Variants in SC5D observed in about 807,000 individuals in gnomAD.
SC5D encodes lathosterol oxidase.
In SC5D, 21 loss-of-function variants were observed where a neutral mutation model predicts 23.9. The ratio of observed to expected loss-of-function variants is 0.88; its 90% CI spans 0.62 to 1.26. The LOEUF is 1.26. Among genes scored for constraint, SC5D ranks in the 50% most tolerant of loss-of-function variants. SC5D has a pLI of 0.00. For synonymous variants in SC5D, 113 were observed against 125.9 expected, an observed-to-expected ratio of 0.90 and a Z score of 0.68; for missense variants, 309 against 364.8, an observed-to-expected ratio of 0.85 and a Z score of 1.25.
chr11:121,309,647 G>A lies in SC5D; in HGVS notation c.*2135G>A, dbSNP rs1746801901. 6.6e-6 allele frequency among the ~76,000 whole-genome samples: 1 copy of A among 152,108 alleles called. No individual in the cohort carries two copies. Among genetic ancestry groups the A allele is most frequent in the Admixed American group, 6.5e-5 (1 of 15,278 alleles). ...GAGAAGAAAGGACAGCTTCCTATGG[G>A]GAAGACAGAGGCTTCCTCATAGATG... On this transcript the variant is annotated 3_prime_UTR_variant, in exon 5 of 5. Coordinates refer to ENST00000264027, the MANE Select transcript of SC5D (RefSeq NM_006918.5).
In SC5D at chr11:121,310,085, C is replaced by T. The variant is rs949593296; in HGVS notation, c.*2573C>T. Among the ~76,000 whole-genome samples the T allele has an allele frequency of 1.3e-5, 2 of 152,128 alleles. No individual in the cohort carries two copies. Among genetic ancestry groups the T allele is most frequent in the Non-Finnish European group, 1.5e-5 (1 of 68,028 alleles). ...GGGACAGATTTGGAAGAGAATTACA[C>T]AAGTTCAGTTTTTTGATACATGGAT... is the stretch of plus-strand genomic sequence containing the variant. On this transcript the variant is annotated 3_prime_UTR_variant, in exon 5 of 5. Transcript: ENST00000264027.
At chr11:121,294,821 C>T (rs1382476497) in intron 1 of SC5D, among the ~76,000 whole-genome samples, 1 of 152,206 alleles carries the variant, frequency 6.6e-6, no homozygotes, top group East Asian at 1.9e-4. Flanking sequence ...TGAAGTAGGG[C>T]CACATGGCAC....
At chr11:121,304,090 T>G in intron 2 of SC5D, 1 of 387,386 alleles carries the variant, frequency 2.6e-6, no homozygotes, top group Non-Finnish European at 4.8e-6. Flanking sequence ...AGGAAAGAAA[T>G]GGTTATTCCA....
chr11:121,306,306 A>G, intron 3 of SC5D, 80 bp from the exon 4 acceptor site: 1 of 741,218 alleles, frequency 1.3e-6, no homozygotes, highest in Non-Finnish European at 2.5e-6. Flanking sequence ...CCCATTTTGC[A>G]CTCAGATGGA....
chr11:121,298,299 C>T (rs909734159), intron 1 of SC5D, among the ~76,000 whole-genome samples: 4 of 152,166 alleles, frequency 2.6e-5, no homozygotes, highest in Non-Finnish European at 5.9e-5. Flanking sequence ...GACCAGAATA[C>T]AATCTTTTTC....
At position 121,308,502 on chromosome 11, in the gene SC5D, C is replaced by G. The variant is rs1476002684; in HGVS notation, c.*990C>G. On this transcript the variant is annotated 3_prime_UTR_variant, in exon 5 of 5. Coordinates refer to ENST00000264027, the MANE Select transcript of SC5D (RefSeq NM_006918.5). Reference sequence around the variant, plus strand: ...TTCTCCCCTCACTTTTCCCTACTTCCTCTGCAAAAAGATTTAACAAATACA... The same window carrying G: ...TTCTCCCCTCACTTTTCCCTACTTCGTCTGCAAAAAGATTTAACAAATACA... The G allele has an allele frequency of 6.6e-6, 1 of 152,310 alleles. No homozygotes were observed. Among genetic ancestry groups the G allele is most frequent in the African/African-American group, 2.4e-5 (1 of 41,342 alleles). The allele number at this position is 152,310 out of a possible 1,614,324, so 9.4% of individuals were successfully genotyped here.
chr11:121,293,294 C>G (rs1032112793), intron 1 of SC5D, among the ~76,000 whole-genome samples: 2 of 152,186 alleles, frequency 1.3e-5, no homozygotes, highest in Non-Finnish European at 2.9e-5. Flanking sequence ...ATCTCTTACT[C>G]AAGGGAATTC....
chr11:121,301,826 A>G (rs1331216181), intron 1 of SC5D, among the ~76,000 whole-genome samples: 1 of 152,136 alleles, frequency 6.6e-6, no homozygotes, highest in African/African-American at 2.4e-5. Flanking sequence ...GGATGGAAAG[A>G]TCTCCAAGAT....
rs1456349663 is a variant in SC5D at position 121,310,255 on chromosome 11, A to C, written c.*2743A>C. Among the ~76,000 whole-genome samples the C allele has an allele frequency of 6.6e-6, 1 of 152,230 alleles. No individual in the cohort carries two copies. The highest frequency in any genetic ancestry group is 2.4e-5 in the African/African-American group (1 of 41,464). ...CATGAGATTGTCACAGCATGAAAAA[A>C]GATATTCAAAGACACTAACCAACTT... On this transcript the variant is annotated 3_prime_UTR_variant, in exon 5 of 5. Transcript: ENST00000264027.
At position 121,309,623 on chromosome 11, in the gene SC5D, A is replaced by T. The variant is rs923142484; in HGVS notation, c.*2111A>T. On this transcript the variant is annotated 3_prime_UTR_variant, in exon 5 of 5. Coordinates refer to ENST00000264027, the MANE Select transcript of SC5D (RefSeq NM_006918.5). ...ATTCTTATTCCTATATAACTAATAG[A>T]GAAGAAAGGACAGCTTCCTATGGGG... is the stretch of plus-strand genomic sequence containing the variant. Among the ~76,000 whole-genome samples the T allele has an allele frequency of 6.6e-6, 1 of 152,204 alleles. No homozygotes were observed. The highest frequency in any genetic ancestry group is 2.4e-5 in the African/African-American group (1 of 41,460).
chr11:121,298,545 GTGA>G (rs1235355096), intron 1 of SC5D, among the ~76,000 whole-genome samples: 5 of 152,300 alleles, frequency 3.3e-5, no homozygotes, highest in African/African-American at 1.2e-4. Context: ...CACTAATGAG[GTGA>G]TGATACCTAA....
rs1290240468 is a variant in SC5D, at chr11:121,309,254, T to A, written c.*1742T>A. Among the ~76,000 whole-genome samples, 1 of 152,204 alleles carries A rather than the reference T, an allele frequency of 6.6e-6. No individual in the cohort carries two copies. The highest frequency in any genetic ancestry group is 1.5e-5 in the Non-Finnish European group (1 of 68,030). ...TTTCTCTCAGTCCATAGAGCCCTCT[T>A]TGTTGAAAGAGCACATAGGAAAAGA... is the stretch of plus-strand genomic sequence containing the variant. On this transcript the variant is annotated 3_prime_UTR_variant, in exon 5 of 5. Coordinates refer to ENST00000264027, the MANE Select transcript of SC5D (RefSeq NM_006918.5).
Position 121,311,654 on chromosome 11 carries a change from A to C in SC5D, c.*4142A>C, listed in dbSNP as rs1948011651. Among the ~76,000 whole-genome samples, 2 of 152,252 alleles carry C rather than the reference A, an allele frequency of 1.3e-5. No homozygotes were observed. ...TTAATCTATAACTTCATCTCAGAGG[A>C]ACAGGAACTTTGGAGATAAACAGGG... On this transcript the variant is annotated 3_prime_UTR_variant, in exon 5 of 5. Coordinates refer to ENST00000264027, the MANE Select transcript of SC5D (RefSeq NM_006918.5).
Position 121,304,451 on chromosome 11 carries a change from G to A in SC5D, c.301G>A (p.Gly101Ser), listed in dbSNP as rs770499900. ...TVALFLLEIR[G>S]YSKLHDDLGE... ...TGCACTGTTCTTGCTGGAGATAAGA[G>A]GTTACAGCAAATTACATGATGACCT... is the stretch of plus-strand genomic sequence containing the variant. Residue 101 changes from glycine to serine, a missense_variant, in exon 3 of 5, where the codon GGT becomes AGT. Physicochemically the swap from Gly to Ser is moderately conservative, Grantham distance 56. Transcript: ENST00000264027. 5 of 1,612,924 alleles carry A rather than the reference G, an allele frequency of 3.1e-6. No homozygotes were observed. In the Admixed American group the frequency reaches 8.3e-5, roughly 27 times the overall value.
chr11:121,298,431 A>G (rs1169723171), intron 1 of SC5D, among the ~76,000 whole-genome samples: 1 of 152,360 alleles, frequency 6.6e-6, no homozygotes, highest in East Asian at 1.9e-4. Flanking sequence ...AAATTACTTA[A>G]TGCTTGAAAT....
At chr11:121,304,620 A>G (rs1947950521) in intron 3 of SC5D, 127 bp downstream of exon 3, 1 of 855,322 alleles carries the variant, frequency 1.2e-6, no homozygotes, top group Non-Finnish European at 1.9e-6. Flanking sequence ...TTGTTTTTTA[A>G]TGTTCTATTT....
rs942908119 is a variant in SC5D, at chr11:121,307,766, A to G, written c.*254A>G. The G allele has an allele frequency of 2.5e-6, 1 of 406,924 alleles. No homozygotes were observed. The highest frequency in any genetic ancestry group is 2.0e-5 in the African/African-American group (1 of 49,392). The allele number at this position is 406,924 out of a possible 1,614,324, so 25.2% of individuals were successfully genotyped here. A position where few individuals can be genotyped will look rare whatever the true frequency, so the allele number is the denominator to read the frequency against. On this transcript the variant is annotated 3_prime_UTR_variant, in exon 5 of 5. Coordinates refer to ENST00000264027, the MANE Select transcript of SC5D (RefSeq NM_006918.5). ...GGGGGACAACTTGTATCTTTCTAGC[A>G]GCAGATCTGTAGTTTGTATAGCCTC...
At chr11:121,306,640 ATTC>A (rs1565570095) in intron 4 of SC5D, 154 bp downstream of exon 4, 1 of 696,152 alleles carries the variant, frequency 1.4e-6, no homozygotes, top group East Asian at 2.7e-5. Context: ...TTTTGTTCAT[ATTC>A]TTCTTTATGG....
At chr11:121,293,341 C>T (rs74900182) in intron 1 of SC5D, among the ~76,000 whole-genome samples, 10,950 of 152,244 alleles carry the variant, frequency 0.072, 429 homozygotes, top group South Asian at 0.091. Flanking sequence ...TTACTTTTCC[C>T]TTCGTTCTGG....
Sources: gnomAD v4.1 joint callset for allele counts (sites outside exome capture counted in the v4.1 genomes callset) on GRCh38, gnomAD v4.1.1 for gene constraint, MANE v1.5 for transcripts, NCBI Gene and HGNC (gene_info 2026-07-23, HGNC 2026-07-21) for gene names.